The following BTBD16 variants were observed in gnomAD, a reference collection of about 807,000 sequenced individuals.
The protein encoded by BTBD16 is BTB domain containing 16.
In BTBD16, 66 loss-of-function variants were observed where a neutral mutation model predicts 67.4. The observed-to-expected ratio is 0.98, with a 90% CI of 0.80 to 1.20. The LOEUF is 1.20. Among genes scored for constraint, BTBD16 ranks in the 50% most tolerant of loss-of-function variants. The pLI is 0.00. For synonymous variants in BTBD16, 242 were observed against 236.4 expected, an observed-to-expected ratio of 1.02 and a Z score of -0.22; for missense variants, 634 against 616.0, an observed-to-expected ratio of 1.03 and a Z score of -0.31.
At chr10:122,323,616 G>A (rs920945661) in intron 10 of BTBD16, among the ~76,000 whole-genome samples, 1 of 151,534 alleles carries the variant, frequency 6.6e-6, no homozygotes, top group Non-Finnish European at 1.5e-5. Context: ...AACTCTTCTT[G>A]TGATTATACT....
Position 122,289,917 on chromosome 10 carries a change from C to T in BTBD16, c.394C>T (p.Pro132Ser). Residue 132 changes from proline to serine, a missense_variant, in exon 6 of 16, where the codon CCT becomes TCT. By Grantham distance (74) the Pro-to-Ser change is moderately conservative. Coordinates refer to ENST00000260723, the MANE Select transcript of BTBD16 (RefSeq NM_144587.5). ...CTCATTTCCTTTACTAGCTCAATCA[C>T]CTAAGAAGACCAAAGAAAAATCCCC... ...ELEELLRAQS[P>S]KKTKEKSPAK... is the part of the protein sequence containing the mutation. The T allele has an allele frequency of 1.2e-6, 2 of 1,613,462 alleles. No individual in the cohort carries two copies. The highest frequency in any genetic ancestry group is 1.7e-6 in the Non-Finnish European group (2 of 1,179,612).
intron 4 of BTBD16, among the ~76,000 whole-genome samples, chr10:122,284,448 CAA>C (rs11287011): frequency 4.6e-4 from 68 of 146,838 alleles, no homozygotes; most frequent in East Asian, 8.0e-4. Flanking sequence ...GACTCCATCT[CAA>C]AAAAAAAAAA....
chr10:122,308,225 A>G (rs2096407134), intron 10 of BTBD16, among the ~76,000 whole-genome samples: 1 of 152,148 alleles, frequency 6.6e-6, no homozygotes, highest in Admixed American at 6.5e-5. Flanking sequence ...AATATGGAAG[A>G]AGCAAGTGAG....
At chr10:122,312,799 C>T (rs928085631) in intron 10 of BTBD16, among the ~76,000 whole-genome samples, 4 of 152,222 alleles carry the variant, frequency 2.6e-5, no homozygotes, top group Non-Finnish European at 5.9e-5. Context: ...TGTTCTGCTA[C>T]GTTCTGGTCC....
In BTBD16 at chr10:122,299,083, A is replaced by G. The variant is rs1267708441; in HGVS notation, c.740A>G (p.His247Arg). ...NLVPLGGTQI[H>R]LHKIPQDLLH... is the part of the protein sequence containing the mutation. ...GTTCCTCTAGGGGGGACGCAGATCCACCTCCACAAAATCCCACAGGACCTG... is the reference window on the plus strand; with the variant it reads ...GTTCCTCTAGGGGGGACGCAGATCCGCCTCCACAAAATCCCACAGGACCTG... The change falls in exon 9 of 16, where the codon CAC becomes CGC. Residue 247 changes from histidine to arginine, a missense_variant. Coordinates refer to ENST00000260723, the MANE Select transcript of BTBD16 (RefSeq NM_144587.5). 6.2e-7 allele frequency: 1 copy of G among 1,613,858 alleles called. No individual in the cohort carries two copies. Among genetic ancestry groups the G allele is most frequent in the South Asian group, 1.1e-5 (1 of 91,024 alleles).
At chr10:122,278,734 C>T (rs908904964) in intron 3 of BTBD16, among the ~76,000 whole-genome samples, 6 of 152,174 alleles carry the variant, frequency 3.9e-5, no homozygotes, top group African/African-American at 1.4e-4. Flanking sequence ...CTGGCCCTCT[C>T]CTTTGTGATA....
At chr10:122,290,729 A>G (rs1201349346) in intron 6 of BTBD16, among the ~76,000 whole-genome samples, 2 of 152,072 alleles carry the variant, frequency 1.3e-5, no homozygotes, top group East Asian at 1.9e-4. Flanking sequence ...GAAAAAAAAA[A>G]TACACGACGT....
chr10:122,314,434 G>C (rs145226503), intron 10 of BTBD16, among the ~76,000 whole-genome samples: 387 of 152,226 alleles, frequency 2.5e-3, no homozygotes, highest in African/African-American at 9.0e-3. Context: ...AGCCTGGGAG[G>C]TTGAGGCTGC....
intron 10 of BTBD16, among the ~76,000 whole-genome samples, chr10:122,314,091 G>A (rs1211416120): frequency 6.6e-6 from 1 of 152,104 alleles, no homozygotes; most frequent in Non-Finnish European, 1.5e-5. Flanking sequence ...CACCAAAAAA[G>A]ACAAGAGAAG....
rs958544610 is a variant in BTBD16, at chr10:122,283,848, G to A, written c.168-3G>A. 3.1e-6 allele frequency: 5 copies of A among 1,612,920 alleles called. No homozygotes were observed. The highest frequency in any genetic ancestry group is 4.2e-6 in the Non-Finnish European group (5 of 1,179,064). On this transcript the variant is annotated splice_polypyrimidine_tract_variant and splice_region_variant and intron_variant, in intron 3 of 15. Coordinates refer to ENST00000260723, the MANE Select transcript of BTBD16 (RefSeq NM_144587.5). ...GGATTTTATATTTGCATTTTCCCTTGAGGTTATGCATTTCACAAATCCAGA... is the reference window on the plus strand; with the variant it reads ...GGATTTTATATTTGCATTTTCCCTTAAGGTTATGCATTTCACAAATCCAGA...
chr10:122,314,944 T>A (rs2096421235), intron 10 of BTBD16, among the ~76,000 whole-genome samples: 1 of 151,030 alleles, frequency 6.6e-6, no homozygotes, highest in Admixed American at 6.8e-5. Flanking sequence ...ATAATGAACA[T>A]CTTTTTTTTC....
intron 9 of BTBD16, among the ~76,000 whole-genome samples, chr10:122,300,569 GA>G (rs2096392084): frequency 6.6e-6 from 1 of 152,052 alleles, no homozygotes; most frequent in Non-Finnish European, 1.5e-5. Context: ...TATTTCCTAA[GA>G]AAAAGAATTT....
At chr10:122,287,527 T>C in intron 5 of BTBD16, 1 of 968,426 alleles carries the variant, frequency 1.0e-6, no homozygotes, top group Non-Finnish European at 1.2e-6. Context: ...TGCCCTGGAC[T>C]GTCACAACTC....
Position 122,336,679 on chromosome 10 carries a change from C to G in BTBD16, c.1449C>G (p.Ser483Arg). 1 of 1,578,530 alleles carries G rather than the reference C, an allele frequency of 6.3e-7. No individual in the cohort carries two copies. Among genetic ancestry groups the G allele is most frequent in the Non-Finnish European group, 8.6e-7 (1 of 1,167,870 alleles). The change falls in exon 15 of 16, where the codon AGC becomes AGG. Residue 483 changes from serine to arginine, a missense_variant. By Grantham distance (110) the Ser-to-Arg change is moderately radical. Coordinates refer to ENST00000260723, the MANE Select transcript of BTBD16 (RefSeq NM_144587.5). ...GGTTGACCACGTCATCCTGCAAAAG[C>G]CATGCAAGTGTTCACGTTGTCTTTT... ...KFGLTTSSCK[S>R]HTLKIQTVGI...
At chr10:122,332,410 G>A in intron 12 of BTBD16, 26 bp from the exon 13 acceptor site, 1 of 1,612,360 alleles carries the variant, frequency 6.2e-7, no homozygotes, top group Non-Finnish European at 8.5e-7. Flanking sequence ...TCCCACCGTG[G>A]TCAGCTGTGT....
chr10:122,306,917 G>A (rs1422282224), intron 9 of BTBD16, among the ~76,000 whole-genome samples: 6 of 152,184 alleles, frequency 3.9e-5, no homozygotes, highest in African/African-American at 1.4e-4. Context: ...CATAGTAAGA[G>A]CTCATTAAAT....
intron 14 of BTBD16, among the ~76,000 whole-genome samples, chr10:122,335,949 A>G (rs2096462657): frequency 6.6e-6 from 1 of 152,186 alleles, no homozygotes; most frequent in East Asian, 1.9e-4. Flanking sequence ...GGTTACTGCA[A>G]CCTCCATATA....
At chr10:122,316,847 G>C (rs1335108800) in intron 10 of BTBD16, among the ~76,000 whole-genome samples, 1 of 151,466 alleles carries the variant, frequency 6.6e-6, no homozygotes, top group Non-Finnish European at 1.5e-5. Context: ...GGAGTGCAAC[G>C]GCGCAATCTC....
intron 1 of BTBD16, 62 bp from the exon 2 acceptor site, chr10:122,274,978 A>G (rs1443136304): frequency 2.6e-6 from 3 of 1,163,410 alleles, no homozygotes; most frequent in African/African-American, 1.5e-5. Context: ...CTTTAGGCCA[A>G]TCTCCTCCAT....
Sources: allele counts gnomAD v4.1 joint callset (sites outside exome capture counted in the v4.1 genomes callset), GRCh38; gene constraint gnomAD v4.1.1; transcripts MANE v1.5; gene names NCBI Gene and HGNC (gene_info 2026-07-23, HGNC 2026-07-21).